The following FGFBP3 variants were observed in gnomAD, a reference collection of about 807,000 sequenced individuals.
FGFBP3 encodes the protein fibroblast growth factor binding protein 3.
FGFBP3 carries 4 observed loss-of-function variants against 4.8 expected under a neutral mutation model. The ratio of observed to expected loss-of-function variants is 0.83; its 90% CI spans 0.41 to 1.90. The LOEUF is 1.90. Among genes scored for constraint, FGFBP3 ranks in the 40% most tolerant of loss-of-function variants. The pLI is 0.03. For missense variants in FGFBP3, 429 were observed against 397.4 expected (o/e 1.08, Z -0.68); for synonymous variants, 215 against 190.0 (o/e 1.13, Z -1.08).
chr10:91,909,130 C>T, intron 1 of FGFBP3, 83 bp from the exon 2 acceptor site: 1 of 742,814 alleles, frequency 1.3e-6, no homozygotes, highest in Non-Finnish European at 2.0e-6. Context: ...ACTACTCTTC[C>T]GCAGACTTTC....
chr10:91,908,546 C>A lies in FGFBP3; in HGVS notation c.424G>T (p.Gly142Cys), dbSNP rs754595032. 1.4e-6 allele frequency: 2 copies of A among 1,384,532 alleles called. No individual in the cohort carries two copies. The highest frequency in any genetic ancestry group is 1.6e-5 in the South Asian group (1 of 60,862). The allele number at this position is 1,384,532 out of a possible 1,614,324, so 85.8% of individuals were successfully genotyped here. A position where few individuals can be genotyped will look rare whatever the true frequency, so the allele number is the denominator to read the frequency against. Residue 142 changes from glycine (G) to cysteine (C), a missense_variant, in exon 2 of 2, where the codon GGC becomes TGC. By Grantham distance (159) the Gly-to-Cys change is radical. Coordinates refer to ENST00000311575, the MANE Select transcript of FGFBP3 (RefSeq NM_152429.5). ...CGGGGCACTAGCCGCAGCTCGGCGCCGTGGCCCTTCTTGCCCGCGCACAAG... is the reference window on the plus strand; with the variant it reads ...CGGGGCACTAGCCGCAGCTCGGCGCAGTGGCCCTTCTTGCCCGCGCACAAG... The part of the protein sequence containing the change: ...ARLCAGKKGH[G>C]AELRLVPRAS...
In FGFBP3 at chr10:91,908,748, G is replaced by A; in HGVS notation, c.222C>T (p.Ser74=). ...GGCTCTGGCAGCGCAGCGCCAGCTC[G>A]CTGCCCGCTGCGGCCTCCGGGGCGG... ...LLPAPEAAAG[S]ELALRCQSPD... The change falls in exon 2 of 2, where the codon AGC becomes AGT. Residue 74 remains serine (S), a synonymous_variant. Transcript: ENST00000311575. 1 of 1,384,772 alleles carries A rather than the reference G, an allele frequency of 7.2e-7. No individual in the cohort carries two copies. Among genetic ancestry groups the A allele is most frequent in the Non-Finnish European group, 9.3e-7 (1 of 1,080,910 alleles). 85.8% of individuals were successfully genotyped at this position (1,384,772 alleles called of 1,614,324 possible).
chr10:91,908,372 A>T lies in FGFBP3; in HGVS notation c.598T>A (p.Ser200Thr). The change falls in exon 2 of 2, where the codon TCA (serine) becomes ACA (threonine). Residue 200 changes from serine (S) to threonine (T), a missense_variant. Physicochemically the swap from Ser to Thr is moderately conservative, Grantham distance 58 (BLOSUM62 1). Transcript: ENST00000311575. ...TTGCCCTCGTTGGTCTTCCTCTCTG[A>T]GGGGTTTTCTTTGGGCGGTGCGCTT... ...PQSAPPKENP[S>T]ERKTNEGKRK... 1 of 1,575,754 alleles carries T rather than the reference A, an allele frequency of 6.3e-7. No homozygotes were observed. Among genetic ancestry groups the T allele is most frequent in the African/African-American group, 1.4e-5 (1 of 71,918 alleles).
Position 91,907,912 on chromosome 10 carries a change from T to A in FGFBP3, c.*281A>T. 2 of 385,688 alleles carry A rather than the reference T, an allele frequency of 5.2e-6. No homozygotes were observed. The highest frequency in any genetic ancestry group is 5.2e-5 in the East Asian group (1 of 19,398). 23.9% of individuals were successfully genotyped at this position (385,688 alleles called of 1,614,324 possible). A position where few individuals can be genotyped will look rare whatever the true frequency, so the allele number is the denominator to read the frequency against. ...CGATTTCTCTCCCCAGTCTCCAGTT[T>A]TTGCACATTTAAAGTACGCCTATTT... On this transcript the variant is annotated 3_prime_UTR_variant, in exon 2 of 2. Transcript: ENST00000311575.
chr10:91,908,839 G>T lies in FGFBP3; in HGVS notation c.131C>A (p.Thr44Asn). ...GAGGAAGCGACCCGAGGAGCCGCCA[G>T]TGGGCCCGGGGACCGGCTCCGCCAC... ...SNVAEPVPGP[T>N]GGSSGRFLSP... Residue 44 changes from threonine (T) to asparagine (N), a missense_variant, in exon 2 of 2, where the codon ACT (threonine) becomes AAT (asparagine). By Grantham distance (65) the Thr-to-Asn change is moderately conservative. Transcript: ENST00000311575. The T allele has an allele frequency of 6.5e-7, 1 of 1,539,864 alleles. No homozygotes were observed. Among genetic ancestry groups the T allele is most frequent in the Non-Finnish European group, 8.7e-7 (1 of 1,150,120 alleles).
Position 91,908,490 on chromosome 10 carries a change from C to G in FGFBP3, c.480G>C (p.Ala160=). 1.4e-6 allele frequency: 2 copies of G among 1,393,558 alleles called. No individual in the cohort carries two copies. Among genetic ancestry groups the G allele is most frequent in the Non-Finnish European group, 9.3e-7 (1 of 1,079,404 alleles). The allele number at this position is 1,393,558 out of a possible 1,614,324, so 86.3% of individuals were successfully genotyped here. The change falls in exon 2 of 2, where the codon GCG becomes GCC. Residue 160 remains alanine, a synonymous_variant. Transcript: ENST00000311575. ...GGGGCTTGGACTCCCCCGCGAATCC[C>G]GCGACGGTGGGGCGTGCGGGCGGGG... The part of the protein sequence containing the change: ...RASPPARPTV[A]GFAGESKPRA...
In FGFBP3 at chr10:91,908,177, A is replaced by G; in HGVS notation, c.*16T>C. 6.3e-7 allele frequency: 1 copy of G among 1,586,410 alleles called. No homozygotes were observed. Among genetic ancestry groups the G allele is most frequent in the Non-Finnish European group, 8.6e-7 (1 of 1,168,280 alleles). ...CACGCCTCCCCCATCAACCCTCCCT[A>G]AGCCGGCAGGCAGTCTCAGCCGTTC... On this transcript the variant is annotated 3_prime_UTR_variant, in exon 2 of 2. Transcript: ENST00000311575.
Position 91,908,704 on chromosome 10 carries a change from T to G in FGFBP3, c.266A>C (p.Gln89Pro). The change falls in exon 2 of 2, where the codon CAG becomes CCG. Residue 89 changes from glutamine to proline, a missense_variant. Transcript: ENST00000311575. Reference sequence around the variant, plus strand: ...CTCCGGATGCCCGCGGTAGGCGCACTGGTGGCGCGCCCCGTCCGGGCTCTG... The same window carrying G: ...CTCCGGATGCCCGCGGTAGGCGCACGGGTGGCGCGCCCCGTCCGGGCTCTG... ...RCQSPDGARH[Q>P]CAYRGHPERC... The G allele has an allele frequency of 6.4e-6, 9 of 1,396,492 alleles. No homozygotes were observed. Among genetic ancestry groups the G allele is most frequent in the Admixed American group, 3.4e-5 (1 of 29,110 alleles). 86.5% of individuals were successfully genotyped at this position (1,396,492 alleles called of 1,614,324 possible).
rs1843309859 is a variant in FGFBP3 at position 91,907,670 on chromosome 10, T to TC, written c.*522dup. 1 of 152,658 alleles carries TC rather than the reference T, an allele frequency of 6.6e-6. No individual in the cohort carries two copies. Among genetic ancestry groups the TC allele is most frequent in the Admixed American group, 6.5e-5 (1 of 15,276 alleles). 9.5% of individuals were successfully genotyped at this position (152,658 alleles called of 1,614,324 possible). A position where few individuals can be genotyped will look rare whatever the true frequency, so the allele number is the denominator to read the frequency against. On this transcript the variant is annotated 3_prime_UTR_variant, in exon 2 of 2. Coordinates refer to ENST00000311575, the MANE Select transcript of FGFBP3 (RefSeq NM_152429.5). ...TATCTATGACACCCACCACGCCGCA[T>TC]CCAAGTTTATACCAATTCAGAAACG...
chr10:91,908,551 C>A lies in FGFBP3; in HGVS notation c.419G>T (p.Gly140Val), dbSNP rs1328354158. ...CACTAGCCGCAGCTCGGCGCCGTGG[C>A]CCTTCTTGCCCGCGCACAAGCGGGC... is the stretch of plus-strand genomic sequence containing the variant. ...LQARLCAGKK[G>V]HGAELRLVPR... The change falls in exon 2 of 2, where the codon GGC becomes GTC. Residue 140 changes from glycine (G) to valine (V), a missense_variant. Physicochemically the swap from Gly to Val is moderately radical, Grantham distance 109. Transcript: ENST00000311575. 1.4e-6 allele frequency: 2 copies of A among 1,385,784 alleles called. No individual in the cohort carries two copies. Among genetic ancestry groups the A allele is most frequent in the South Asian group, 1.6e-5 (1 of 61,336 alleles). The allele number at this position is 1,385,784 out of a possible 1,614,324, so 85.8% of individuals were successfully genotyped here. A position where few individuals can be genotyped will look rare whatever the true frequency, so the allele number is the denominator to read the frequency against.
Position 91,908,974 on chromosome 10 carries a change from C to T in FGFBP3, c.-5G>A, listed in dbSNP as rs1409397780. The stretch of plus-strand genomic sequence containing the variant: ...TCGCAGCTTCGGAGGAGTCATGCTC[C>T]GCGGTTTCCGCGCTCCGCTGTTCTC... On this transcript the variant is annotated 5_prime_UTR_variant, in exon 2 of 2. Coordinates refer to ENST00000311575, the MANE Select transcript of FGFBP3 (RefSeq NM_152429.5). 3 of 1,567,596 alleles carry T rather than the reference C, an allele frequency of 1.9e-6. No homozygotes were observed. The highest frequency in any genetic ancestry group is 2.6e-6 in the Non-Finnish European group (3 of 1,159,592).
At position 91,908,354 on chromosome 10, in the gene FGFBP3, C is replaced by G. The variant is rs1477573349; in HGVS notation, c.616G>C (p.Glu206Gln). The G allele has an allele frequency of 6.3e-7, 1 of 1,592,226 alleles. No individual in the cohort carries two copies. The highest frequency in any genetic ancestry group is 8.5e-7 in the Non-Finnish European group (1 of 1,170,498). ...ACCAAGGCCGCCTTCCTCTTGCCCTCGTTGGTCTTCCTCTCTGAGGGGTTT... is the reference window on the plus strand; with the variant it reads ...ACCAAGGCCGCCTTCCTCTTGCCCTGGTTGGTCTTCCTCTCTGAGGGGTTT... The part of the protein sequence containing the change: ...KENPSERKTN[E>Q]GKRKAALVPN... Residue 206 changes from glutamate (E) to glutamine (Q), a missense_variant, in exon 2 of 2, where the codon GAG (glutamate) becomes CAG (glutamine). By Grantham distance (29) the Glu-to-Gln change is conservative. Transcript: ENST00000311575.
Position 91,908,892 on chromosome 10 carries a change from A to C in FGFBP3, c.78T>G (p.Ala26=). ...TGCTAGCCGCCCCTTTCTCCCTCCG[A>C]GCAGCCGCGAGGAGGCAACCACTCA... The part of the protein sequence containing the change: ...LLLSGCLLAA[A]RREKGAASNV... Residue 26 remains alanine, a synonymous_variant, in exon 2 of 2, where the codon GCT becomes GCG. Transcript: ENST00000311575. The C allele has an allele frequency of 6.3e-7, 1 of 1,595,464 alleles. No individual in the cohort carries two copies. The highest frequency in any genetic ancestry group is 8.5e-7 in the Non-Finnish European group (1 of 1,174,750).
Position 91,908,300 on chromosome 10 carries a change from C to T in FGFBP3, c.670G>A (p.Gly224Arg). The T allele has an allele frequency of 6.2e-7, 1 of 1,603,284 alleles. No individual in the cohort carries two copies. ...CCGTCCAGCCCGTCGGGGTCGGGCC[C>T]GGTCCCCATGGGTCGCTCCTCGTTG... ...VPNEERPMGT[G>R]PDPDGLDGNA... is the part of the protein sequence containing the mutation. Residue 224 changes from glycine (G) to arginine (R), a missense_variant, in exon 2 of 2, where the codon GGG becomes AGG. Coordinates refer to ENST00000311575, the MANE Select transcript of FGFBP3 (RefSeq NM_152429.5).
At position 91,908,371 on chromosome 10, in the gene FGFBP3, G is replaced by T. The variant is rs753408023; in HGVS notation, c.599C>A (p.Ser200Ter). The part of the protein sequence containing the change: ...PQSAPPKENP[S>*]ERKTNEGKRK... ...CTTGCCCTCGTTGGTCTTCCTCTCT[G>T]AGGGGTTTTCTTTGGGCGGTGCGCT... Residue 200 changes from serine (S) to a stop codon, truncating the protein, a stop_gained, in exon 2 of 2, where the codon TCA becomes TAA. Coordinates refer to ENST00000311575, the MANE Select transcript of FGFBP3 (RefSeq NM_152429.5). LOFTEE classifies it high-confidence loss of function. The T allele has an allele frequency of 1.9e-6, 3 of 1,577,564 alleles. No individual in the cohort carries two copies. Among genetic ancestry groups the T allele is most frequent in the Admixed American group, 1.9e-5 (1 of 52,920 alleles).
Position 91,907,189 on chromosome 10 carries a change from G to A in FGFBP3, c.*1004C>T, listed in dbSNP as rs1003314074. The A allele has an allele frequency of 1.3e-5, 2 of 152,046 alleles. No homozygotes were observed. The highest frequency in any genetic ancestry group is 4.8e-5 in the African/African-American group (2 of 41,376). 9.4% of individuals were successfully genotyped at this position (152,046 alleles called of 1,614,324 possible). ...GTTCCAGAACATTAGTCACCATTTC[G>A]TTAAAAAGTAGCACTTCTAGTGGCA... is the stretch of plus-strand genomic sequence containing the variant. On this transcript the variant is annotated 3_prime_UTR_variant, in exon 2 of 2. Transcript: ENST00000311575.
Position 91,908,778 on chromosome 10 carries a change from C to T in FGFBP3, c.192G>A (p.Leu64=). 7.1e-7 allele frequency: 1 copy of T among 1,415,566 alleles called. No individual in the cohort carries two copies. The highest frequency in any genetic ancestry group is 9.1e-7 in the Non-Finnish European group (1 of 1,096,084). The allele number at this position is 1,415,566 out of a possible 1,614,324, so 87.7% of individuals were successfully genotyped here. A position where few individuals can be genotyped will look rare whatever the true frequency, so the allele number is the denominator to read the frequency against. Residue 64 remains leucine, a synonymous_variant, in exon 2 of 2, where the codon CTG becomes CTA. Transcript: ENST00000311575. The stretch of plus-strand genomic sequence containing the variant: ...CCGCTGCGGCCTCCGGGGCGGGCAG[C>T]AGGAGCTGCCAGCTGCACGCGTGCT... ...PEQHACSWQL[L]LPAPEAAAGS...
chr10:91,909,282 T>C (rs1398207900), intron 1 of FGFBP3, 116 bp downstream of exon 1: 1 of 402,944 alleles, frequency 2.5e-6, no homozygotes, highest in Non-Finnish European at 4.4e-6. Flanking sequence ...TGCGTGATAA[T>C]TGCCCCCTCT....
In FGFBP3 at chr10:91,908,594, C is replaced by G. The variant is rs1201709947; in HGVS notation, c.376G>C (p.Asp126His). The change falls in exon 2 of 2, where the codon GAC becomes CAC. Residue 126 changes from aspartate to histidine, a missense_variant. Asp to His is a moderately conservative substitution (Grantham distance 81). Transcript: ENST00000311575. ...GLRKKRRPCHDPAPLQARLCA... is the reference protein window; with the variant it reads ...GLRKKRRPCHHPAPLQARLCA... The stretch of plus-strand genomic sequence containing the variant: ...AAGCGGGCCTGGAGCGGCGCGGGGT[C>G]GTGACAGGGCCTCCGCTTCTTGCGC... The G allele has an allele frequency of 2.8e-6, 4 of 1,422,800 alleles. No homozygotes were observed. The highest frequency in any genetic ancestry group is 2.7e-6 in the Non-Finnish European group (3 of 1,094,384). The allele number at this position is 1,422,800 out of a possible 1,614,324, so 88.1% of individuals were successfully genotyped here.
Sources: gnomAD v4.1 joint callset for allele counts on GRCh38, gnomAD v4.1.1 for gene constraint, MANE v1.5 for transcripts, NCBI Gene and HGNC (gene_info 2026-07-23, HGNC 2026-07-21) for gene names.